The following DTNB variants were observed in gnomAD, a reference collection of about 807,000 sequenced individuals.
DTNB encodes dystrobrevin beta, also known as DTN-B.
Under a neutral mutation model 90.7 loss-of-function variants are expected in DTNB, and 63 were observed. That is an observed-to-expected ratio of 0.69 (90% CI 0.57 to 0.86). The LOEUF (loss-of-function observed/expected upper bound fraction) is 0.86. Ranked by LOEUF, DTNB falls within the 40% of genes least tolerant of loss-of-function variation. DTNB has a pLI of 0.00. For synonymous variants in DTNB, 277 were observed against 286.7 expected, an observed-to-expected ratio of 0.97 and a Z score of 0.34; for missense variants, 744 against 807.1, an observed-to-expected ratio of 0.92 and a Z score of 0.95.
intron 1 of DTNB, among the ~76,000 whole-genome samples, chr2:25,665,712 C>T (rs1317298054): frequency 2.0e-5 from 3 of 150,426 alleles, no homozygotes; most frequent in Non-Finnish European, 4.4e-5. Flanking sequence ...AACTTCCTTG[C>T]TTATTTCAGA....
At chr2:25,479,556 A>G (rs2064483513) in intron 10 of DTNB, among the ~76,000 whole-genome samples, 1 of 152,206 alleles carries the variant, frequency 6.6e-6, no homozygotes, top group Non-Finnish European at 1.5e-5. Flanking sequence ...GGGATATTAA[A>G]AGATTATTAG....
At chr2:25,389,496 T>A (rs2040478143) in intron 16 of DTNB, among the ~76,000 whole-genome samples, 2 of 152,132 alleles carry the variant, frequency 1.3e-5, no homozygotes, top group South Asian at 4.1e-4. Context: ...TGGAGAAAGT[T>A]TGGAGCAATG....
chr2:25,607,156 A>T (rs1002496089), intron 5 of DTNB, 80 bp downstream of exon 5: 1 of 1,456,100 alleles, frequency 6.9e-7, no homozygotes, highest in South Asian at 1.3e-5. Context: ...TCAATATAAC[A>T]TCATTCAAAA....
chr2:25,571,161 T>C (rs2059809000), intron 8 of DTNB, among the ~76,000 whole-genome samples: 1 of 152,168 alleles, frequency 6.6e-6, no homozygotes, highest in African/African-American at 2.4e-5. Flanking sequence ...ATCCAACCCA[T>C]TAGGCTGATG....
chr2:25,639,402 C>T (rs1400263535), intron 2 of DTNB: 4 of 205,808 alleles, frequency 1.9e-5, no homozygotes, highest in Non-Finnish European at 2.9e-5. Context: ...AGGGCAGCAT[C>T]GTGAGAAAGA....
chr2:25,477,850 C>T (rs572193041), intron 10 of DTNB, among the ~76,000 whole-genome samples: 18 of 152,190 alleles, frequency 1.2e-4, no homozygotes, highest in South Asian at 8.3e-4. Context: ...GTTTCCAGAG[C>T]GTTCTAATTC....
intron 6 of DTNB, among the ~76,000 whole-genome samples, chr2:25,592,725 T>C (rs542646660): frequency 1.3e-5 from 2 of 152,114 alleles, no homozygotes; most frequent in South Asian, 2.1e-4. Context: ...AATGCTATAA[T>C]GGAAAGGTGC....
chr2:25,424,736 C>T lies in DTNB; in HGVS notation c.1554+2799G>A, dbSNP rs1353642122. Among the ~76,000 whole-genome samples, 11 of 151,320 alleles carry T rather than the reference C, an allele frequency of 7.3e-5. No homozygotes were observed. The highest frequency in any genetic ancestry group is 7.2e-4 in the Admixed American group (11 of 15,200). On this transcript the variant is annotated intron_variant, in intron 15 of 20. Transcript: ENST00000406818. The surrounding 1 kb of genome is among the most constrained non-coding windows in gnomAD (Gnocchi z 4.1). ...TGGCTGGAGTGCAGTGGTGTAATCT[C>T]TGCTCACTGCAGCCTCCACCTCCTG...
rs144193310 is a variant in DTNB, at chr2:25,412,260, GCT to G, written c.1575+7253_1575+7254del. 2.8e-3 allele frequency among the ~76,000 whole-genome samples: 429 copies of G among 152,248 alleles called. 3 individuals carry two copies. The highest frequency in any genetic ancestry group is 9.9e-3 in the African/African-American group (410 of 41,534). ...GCTTCCTGGAGCCAGGCCAAACCAT[GCT>G]CTCTTTGGTATAGCTGTAGGTGGGT... On this transcript the variant is annotated intron_variant, in intron 16 of 20. Transcript: ENST00000406818.
chr2:25,599,276 T>C (rs142109341), intron 5 of DTNB, among the ~76,000 whole-genome samples: 105 of 151,792 alleles, frequency 6.9e-4, no homozygotes, highest in Middle Eastern at 3.4e-3. Flanking sequence ...CAAATCCTGA[T>C]TGACATAAGC....
chr2:25,577,086 T>G, intron 7 of DTNB, 82 bp from the exon 8 acceptor site: 9 of 1,409,104 alleles, frequency 6.4e-6, no homozygotes, highest in Non-Finnish European at 8.5e-6. Context: ...AAATTTCACT[T>G]GGAGAATGAA....
chr2:25,513,000 A>G (rs1482222254), intron 9 of DTNB, among the ~76,000 whole-genome samples: 1 of 152,244 alleles, frequency 6.6e-6, no homozygotes, highest in Non-Finnish European at 1.5e-5. Flanking sequence ...ATAGGGAAGT[A>G]ATATGACAAA....
At chr2:25,383,509 G>C (rs1314191839) in intron 19 of DTNB, among the ~76,000 whole-genome samples, 1 of 152,086 alleles carries the variant, frequency 6.6e-6, no homozygotes, top group African/African-American at 2.4e-5. Context: ...GTGAGCCACC[G>C]CACCTGGCCT....
intron 9 of DTNB, among the ~76,000 whole-genome samples, chr2:25,486,690 C>G (rs1468643606): frequency 6.7e-6 from 1 of 148,308 alleles, no homozygotes; most frequent in Admixed American, 6.7e-5. Context: ...AACAAACATA[C>G]AAAACCTTCA....
chr2:25,437,299 T>G (rs532605109), intron 12 of DTNB, among the ~76,000 whole-genome samples: 1 of 152,126 alleles, frequency 6.6e-6, no homozygotes, highest in South Asian at 2.1e-4. Flanking sequence ...TCTTGCTGTG[T>G]CGCCCAAGCT....
Position 25,455,412 on chromosome 2 carries a change from A to C in DTNB, c.1162T>G (p.Cys388Gly). ...IASYVARLQH[C>G]ARVLDSPSRL... ...TGCTGCACCACCACTGACCGTGCAC[A>C]GTGCTGCAGACGGGCCACATAGGAG... Residue 388 changes from cysteine (C) to glycine (G), a missense_variant, in exon 11 of 21, where the codon TGT becomes GGT. Transcript: ENST00000406818. 2 of 1,597,946 alleles carry C rather than the reference A, an allele frequency of 1.3e-6. No individual in the cohort carries two copies. The highest frequency in any genetic ancestry group is 1.7e-6 in the Non-Finnish European group (2 of 1,172,634).
At chr2:25,592,267 T>C (rs962691194) in intron 6 of DTNB, among the ~76,000 whole-genome samples, 6 of 152,040 alleles carry the variant, frequency 3.9e-5, no homozygotes, top group Non-Finnish European at 7.4e-5. Context: ...GGGGCTAGTA[T>C]GAATATAGTT....
intron 9 of DTNB, among the ~76,000 whole-genome samples, chr2:25,515,580 T>C (rs1045702732): frequency 1.3e-5 from 2 of 149,798 alleles, no homozygotes; most frequent in Non-Finnish European, 2.9e-5. Context: ...TGCATTTATT[T>C]ATTTATTTAT....
intron 16 of DTNB, among the ~76,000 whole-genome samples, chr2:25,412,294 C>G (rs995795805): frequency 1.3e-5 from 2 of 152,138 alleles, no homozygotes; most frequent in African/African-American, 2.4e-5. Context: ...GGGTATTTGT[C>G]TGGGTCTTGG....
Sources: allele counts gnomAD v4.1 joint callset (sites outside exome capture counted in the v4.1 genomes callset), GRCh38; gene constraint gnomAD v4.1.1; non-coding constraint Gnocchi (gnomAD v3.1); transcripts MANE v1.5; gene names NCBI Gene and HGNC (gene_info 2026-07-23, HGNC 2026-07-21).